Variants in NCAM2 observed in about 807,000 individuals in gnomAD.
NCAM2 encodes N-CAM-2.
Under a neutral mutation model 98.1 loss-of-function variants are expected in NCAM2, and 30 were observed. That is an observed-to-expected ratio of 0.31 (90% CI 0.23 to 0.41). NCAM2 has a LOEUF of 0.41. NCAM2 is among the 10% of genes least tolerant of loss of function. NCAM2 has a pLI of 1.00. For missense variants in NCAM2, 867 were observed against 1,005.8 expected, an observed-to-expected ratio of 0.86 and a Z score of 1.87; for synonymous variants, 368 against 342.4, an observed-to-expected ratio of 1.07 and a Z score of -0.83.
At chr21:21,463,110 C>T (rs1349865907) in intron 12 of NCAM2, among the ~76,000 whole-genome samples, 1 of 152,104 alleles carries the variant, frequency 6.6e-6, no homozygotes, top group Non-Finnish European at 1.5e-5. Flanking sequence ...TTATTGAGTA[C>T]ACAGCCTTTC....
chr21:21,157,877 T>C (rs2067663140), intron 1 of NCAM2, among the ~76,000 whole-genome samples: 1 of 152,158 alleles, frequency 6.6e-6, no homozygotes, highest in East Asian at 1.9e-4. Context: ...AAGTTCTTTC[T>C]CCAGTTTCAG....
At chr21:21,086,071 T>A (rs1434524103) in intron 1 of NCAM2, among the ~76,000 whole-genome samples, 2 of 152,326 alleles carry the variant, frequency 1.3e-5, no homozygotes, top group African/African-American at 4.8e-5. Context: ...TAGGAATACA[T>A]TGAAGGCTTT....
intron 10 of NCAM2, among the ~76,000 whole-genome samples, chr21:21,414,513 C>G (rs2076949937): frequency 6.6e-6 from 1 of 150,722 alleles, no homozygotes; most frequent in South Asian, 2.1e-4. Context: ...CTCTGTCGCC[C>G]AGGCTGGAGT....
intron 1 of NCAM2, among the ~76,000 whole-genome samples, chr21:21,102,195 T>C (rs564186091): frequency 9.9e-5 from 15 of 152,206 alleles, no homozygotes; most frequent in African/African-American, 3.4e-4. Flanking sequence ...TGTAGGTTAC[T>C]GCGTCATAGC....
chr21:21,204,263 A>T (rs1323386898), intron 1 of NCAM2, among the ~76,000 whole-genome samples: 1 of 152,120 alleles, frequency 6.6e-6, no homozygotes, highest in East Asian at 1.9e-4. Flanking sequence ...GCAATTATTT[A>T]TAGACAGCCA....
chr21:21,317,960 C>A (rs973024861), intron 5 of NCAM2, among the ~76,000 whole-genome samples: 1 of 152,186 alleles, frequency 6.6e-6, no homozygotes, highest in African/African-American at 2.4e-5. Context: ...TTTCTGCAAT[C>A]AGTCTTTCCT....
intron 1 of NCAM2, among the ~76,000 whole-genome samples, chr21:21,105,467 C>T (rs916492384): frequency 2.0e-5 from 3 of 151,988 alleles, no homozygotes; most frequent in African/African-American, 4.8e-5. Context: ...GAGAGTTCTG[C>T]GATGCAATGG....
At chr21:21,165,544 T>G (rs1248900829) in intron 1 of NCAM2, among the ~76,000 whole-genome samples, 3 of 152,152 alleles carry the variant, frequency 2.0e-5, no homozygotes, top group African/African-American at 7.2e-5. Flanking sequence ...AGGGAGAATA[T>G]TCTAAGGAAT....
intron 15 of NCAM2, among the ~76,000 whole-genome samples, chr21:21,482,467 TTTTAA>T (rs1204015735): frequency 3.9e-5 from 6 of 152,174 alleles, no homozygotes; most frequent in African/African-American, 1.4e-4. Context: ...GTTAAAGTGG[TTTTAA>T]TTTATTTTTA....
At chr21:21,326,989 C>T (rs1568937092) in intron 6 of NCAM2, among the ~76,000 whole-genome samples, 1 of 152,112 alleles carries the variant, frequency 6.6e-6, no homozygotes, top group Non-Finnish European at 1.5e-5. Flanking sequence ...TATTTCCAAG[C>T]GAGATAAGTG....
At chr21:21,014,864 T>C (rs6518025) in intron 1 of NCAM2, among the ~76,000 whole-genome samples, 83,105 of 151,990 alleles carry the variant, frequency 0.55, 23,155 homozygotes, top group East Asian at 0.81. Context: ...TTGTGGTTCA[T>C]GGGAGGAGGT....
chr21:21,402,552 G>T (rs1248461662), intron 9 of NCAM2, among the ~76,000 whole-genome samples: 3 of 152,166 alleles, frequency 2.0e-5, no homozygotes, highest in East Asian at 1.9e-4. Context: ...ATTTTGCCCT[G>T]GTCCTGTTTC....
chr21:21,003,022 T>C (rs1418388163), intron 1 of NCAM2, among the ~76,000 whole-genome samples: 1 of 152,166 alleles, frequency 6.6e-6, no homozygotes, highest in Admixed American at 6.6e-5. Flanking sequence ...CTATCTCTAA[T>C]TGTTCAACAA....
chr21:21,028,395 G>C (rs1440308472), intron 1 of NCAM2, among the ~76,000 whole-genome samples: 2 of 152,172 alleles, frequency 1.3e-5, no homozygotes, highest in African/African-American at 4.8e-5. Flanking sequence ...TTACTTATAA[G>C]ATTCTTTAAT....
At chr21:21,112,766 G>C (rs915814612) in intron 1 of NCAM2, among the ~76,000 whole-genome samples, 1 of 152,114 alleles carries the variant, frequency 6.6e-6, no homozygotes, top group Non-Finnish European at 1.5e-5. Flanking sequence ...GATTATTATA[G>C]GAGATTAGTC....
chr21:21,092,809 A>G (rs1427734101), intron 1 of NCAM2, among the ~76,000 whole-genome samples: 1 of 151,896 alleles, frequency 6.6e-6, no homozygotes, highest in African/African-American at 2.4e-5. Context: ...AGTATATAAT[A>G]TAAAATAATA....
intron 5 of NCAM2, among the ~76,000 whole-genome samples, chr21:21,307,997 A>C (rs550365506): frequency 4.3e-4 from 65 of 152,122 alleles, no homozygotes; most frequent in African/African-American, 1.5e-3. Context: ...ATAGATGGCC[A>C]GGTGTTAGGG....
chr21:21,333,863 G>C (rs528221419), intron 6 of NCAM2, among the ~76,000 whole-genome samples: 2 of 151,938 alleles, frequency 1.3e-5, no homozygotes, highest in East Asian at 3.9e-4. Flanking sequence ...TTAAATTCTA[G>C]ATAAAAACTC....
intron 1 of NCAM2, among the ~76,000 whole-genome samples, chr21:21,253,690 A>G (rs2071556051): frequency 6.6e-6 from 1 of 152,230 alleles, no homozygotes; most frequent in African/African-American, 2.4e-5. Flanking sequence ...AAACATACTA[A>G]GACATTATTT....
Sources: gnomAD v4.1 joint callset for allele counts (sites outside exome capture counted in the v4.1 genomes callset) on GRCh38, gnomAD v4.1.1 for gene constraint, MANE v1.5 for transcripts, NCBI Gene and HGNC (gene_info 2026-07-23, HGNC 2026-07-21) for gene names.